The following ASPRV1 variants were observed in gnomAD, a reference collection of about 807,000 sequenced individuals.
ASPRV1 encodes retroviral-like aspartic protease 1.
A neutral mutation model predicts 11.0 loss-of-function variants in ASPRV1; 7 were observed. The observed-to-expected ratio is 0.64, with a 90% CI of 0.36 to 1.20. The LOEUF is 1.20. Ranked by LOEUF, ASPRV1 falls within the 50% of genes most tolerant of loss-of-function variation. The pLI is 0.02. For synonymous variants in ASPRV1, 136 were observed against 138.4 expected (o/e 0.98, Z 0.12); for missense variants, 299 against 320.0 (o/e 0.93, Z 0.50).
At chr2:70,037,980 A>G in the ASPRV1 span, among the ~76,000 whole-genome samples, 1 of 152,024 alleles carries the variant, frequency 6.6e-6, no homozygotes, top group Non-Finnish European at 1.5e-5. Flanking sequence ...TGGATTTTCT[A>G]ATCTATTGTG....
At chr2:70,027,445 G>A in the ASPRV1 span, among the ~76,000 whole-genome samples, 1 of 152,090 alleles carries the variant, frequency 6.6e-6, no homozygotes, top group East Asian at 1.9e-4. Context: ...AGAGATATCT[G>A]CACTCCCATG....
chr2:70,085,938 T>C, the ASPRV1 span: 1 of 152,240 alleles, frequency 6.6e-6, no homozygotes, highest in Admixed American at 6.5e-5. Flanking sequence ...TTCCTTAAAT[T>C]AAACAGAGGT....
Position 69,961,222 on chromosome 2 carries a change from T to C in ASPRV1, c.215A>G (p.Gln72Arg), listed in dbSNP as rs777302363. 2 of 1,613,960 alleles carry C rather than the reference T, an allele frequency of 1.2e-6. No homozygotes were observed. The highest frequency in any genetic ancestry group is 2.2e-5 in the East Asian group (1 of 44,890). The change falls in exon 1 of 1, where the codon CAG becomes CGG. Residue 72 changes from glutamine (Q) to arginine (R), a missense_variant. Transcript: ENST00000320256. ...CACAGTCCCATAGTCTCCCTGGTCC[T>C]GGGGACTGAGCCTATTGTAGACACC... ...ALGVYNRLSPQDQGDYGTVKE... is the reference protein window; with the variant it reads ...ALGVYNRLSPRDQGDYGTVKE...
chr2:70,003,459 AT>A, the ASPRV1 span: 1 of 152,286 alleles, frequency 6.6e-6, no homozygotes, highest in Admixed American at 6.5e-5. Context: ...CCTTTTGAAA[AT>A]GTCATCTTTT....
At chr2:70,076,251 G>A in the ASPRV1 span, among the ~76,000 whole-genome samples, 1 of 152,196 alleles carries the variant, frequency 6.6e-6, no homozygotes, top group Non-Finnish European at 1.5e-5. Context: ...ACCTACTAAG[G>A]TGATGCAGCG....
chr2:70,027,356 A>G, the ASPRV1 span, among the ~76,000 whole-genome samples: 3 of 152,126 alleles, frequency 2.0e-5, no homozygotes, highest in Admixed American at 2.0e-4. Context: ...TCAAGAAACT[A>G]AAAATATATC....
the ASPRV1 span, among the ~76,000 whole-genome samples, chr2:70,025,752 G>A: frequency 6.6e-6 from 1 of 152,162 alleles, no homozygotes; most frequent in Admixed American, 6.5e-5. Flanking sequence ...GACACAAATG[G>A]TCTGGAGTAG....
At chr2:69,958,217 G>T (rs1187889946), downstream of ASPRV1, among the ~76,000 whole-genome samples, 1 of 152,086 alleles carries the variant, frequency 6.6e-6, no homozygotes, top group East Asian at 1.9e-4. Flanking sequence ...ATGCAGCAGC[G>T]GTCTCAGCCT....
chr2:69,970,696 C>T, the ASPRV1 span: 1 of 152,424 alleles, frequency 6.6e-6, no homozygotes, highest in South Asian at 2.1e-4. Flanking sequence ...ACATGAAAGT[C>T]CCGGTGTTTC....
chr2:69,973,442 G>C, the ASPRV1 span, among the ~76,000 whole-genome samples: 1 of 152,102 alleles, frequency 6.6e-6, no homozygotes, highest in Admixed American at 6.5e-5. Context: ...AATGTTCATA[G>C]CTCACTGTAA....
chr2:69,972,838 G>A, the ASPRV1 span, among the ~76,000 whole-genome samples: 1 of 151,930 alleles, frequency 6.6e-6, no homozygotes, highest in Non-Finnish European at 1.5e-5. Context: ...GAAATGGCGA[G>A]CTCTCACTCC....
At chr2:69,971,179 T>C in the ASPRV1 span, 5 of 151,672 alleles carry the variant, frequency 3.3e-5, no homozygotes, top group African/African-American at 1.2e-4. Context: ...AAAAAAAAAG[T>C]TGCTTTTTTT....
upstream of ASPRV1, chr2:69,964,246 C>T: frequency 2.6e-6 from 1 of 389,984 alleles, no homozygotes; most frequent in Non-Finnish European, 5.1e-6. Flanking sequence ...CCCCATCCTT[C>T]CCCACAATCT....
chr2:70,032,907 A>C, the ASPRV1 span, among the ~76,000 whole-genome samples: 1 of 152,124 alleles, frequency 6.6e-6, no homozygotes, highest in Admixed American at 6.5e-5. Flanking sequence ...CTGAATAGAG[A>C]GAGGAATAAC....
the ASPRV1 span, among the ~76,000 whole-genome samples, chr2:70,043,042 G>T: frequency 6.6e-6 from 1 of 152,146 alleles, no homozygotes; most frequent in Non-Finnish European, 1.5e-5. Flanking sequence ...TATGCCCTTG[G>T]GGGAGAAAAC....
At chr2:69,956,007 A>T (rs1189549938), downstream of ASPRV1, among the ~76,000 whole-genome samples, 2 of 152,082 alleles carry the variant, frequency 1.3e-5, no homozygotes, top group Middle Eastern at 3.2e-3. Flanking sequence ...GAGCTCCTGG[A>T]GAAATGGCTG....
the ASPRV1 span, among the ~76,000 whole-genome samples, chr2:70,004,399 G>A: frequency 6.8e-4 from 104 of 151,948 alleles, no homozygotes; most frequent in African/African-American, 2.3e-3. Context: ...GTGCCGTGGC[G>A]CACACCTGTA....
At chr2:70,004,393 C>T in the ASPRV1 span, among the ~76,000 whole-genome samples, 6 of 151,758 alleles carry the variant, frequency 4.0e-5, no homozygotes, top group Non-Finnish European at 8.8e-5. Flanking sequence ...AGCCAGGTGC[C>T]GTGGCGCACA....
chr2:70,035,623 C>G, the ASPRV1 span, among the ~76,000 whole-genome samples: 2 of 150,688 alleles, frequency 1.3e-5, no homozygotes, highest in Non-Finnish European at 2.9e-5. Flanking sequence ...TCTGTTAACA[C>G]TGACCCTGTT....
Sources: gnomAD v4.1 joint callset for allele counts (sites outside exome capture counted in the v4.1 genomes callset) on GRCh38, gnomAD v4.1.1 for gene constraint, MANE v1.5 for transcripts, NCBI Gene and HGNC (gene_info 2026-07-23, HGNC 2026-07-21) for gene names.